ASPG: variants seen among roughly 807,000 people sequenced by gnomAD.
The protein encoded by ASPG is 60 kDa lysophospholipase.
Under a neutral mutation model 63.2 loss-of-function variants are expected in ASPG, and 53 were observed. The observed-to-expected ratio is 0.84, with a 90% CI of 0.67 to 1.05. The LOEUF is 1.05. Among genes scored for constraint, ASPG ranks in the 50% least tolerant of loss-of-function variants. ASPG has a pLI of 0.00. For synonymous variants in ASPG, 370 were observed against 355.0 expected (o/e 1.04, Z -0.48); for missense variants, 741 against 794.4 (o/e 0.93, Z 0.81).
rs949347360 is a variant in ASPG, at chr14:104,109,936, C to T, written c.1520+621C>T. On this transcript the variant is annotated intron_variant, in intron 13 of 15. Transcript: ENST00000551177. This position sits in a 1 kb window ranked among gnomAD's most constrained non-coding sequence, Gnocchi z 4.8. Reference sequence around the variant, plus strand: ...CATGTTGTTGTTGGGGAGACTGAGGCGCAGGGAGGCCTTCGGCGAGGGTGT... The same window carrying T: ...CATGTTGTTGTTGGGGAGACTGAGGTGCAGGGAGGCCTTCGGCGAGGGTGT... The T allele has an allele frequency of 3.6e-5, 35 of 984,214 alleles. No individual in the cohort carries two copies. In the Admixed American group the frequency reaches 3.7e-4, roughly 10 times the overall value. The allele number at this position is 984,214 out of a possible 1,614,324, so 61.0% of individuals were successfully genotyped here.
Position 104,110,547 on chromosome 14 carries a change from C to T in ASPG, c.1521-955C>T, listed in dbSNP as rs373497645. 1.0e-4 allele frequency: 99 copies of T among 985,320 alleles called. No homozygotes were observed. The East Asian group carries it at 6.4e-3, about 63-fold the overall frequency. 61.0% of individuals were successfully genotyped at this position (985,320 alleles called of 1,614,324 possible). A position where few individuals can be genotyped will look rare whatever the true frequency, so the allele number is the denominator to read the frequency against. ...AGCTGCTGGCTGGACTTGAGCCCCT[C>T]GGCTAGGCCTTCCTAGGGGCCGGTG... On this transcript the variant is annotated intron_variant, in intron 13 of 15. Coordinates refer to ENST00000551177, the MANE Select transcript of ASPG (RefSeq NM_001080464.3). This position sits in a 1 kb window ranked among gnomAD's most constrained non-coding sequence, Gnocchi z 4.7.
intron 4 of ASPG, among the ~76,000 whole-genome samples, chr14:104,095,958 C>T (rs191973627): frequency 9.8e-5 from 15 of 152,292 alleles, no homozygotes; most frequent in Non-Finnish European, 1.8e-4. Flanking sequence ...CCTTCCTCTC[C>T]TCCCGATGCT....
chr14:104,111,099 G>A, intron 13 of ASPG: 1 of 985,324 alleles, frequency 1.0e-6, no homozygotes. Flanking sequence ...AAACTGGCGT[G>A]GGCTGCTCGG....
chr14:104,097,680 G>C (rs2036657544), intron 5 of ASPG, 43 bp downstream of exon 5: 1 of 1,538,428 alleles, frequency 6.5e-7, no homozygotes, highest in African/African-American at 1.4e-5. Context: ...GTGGGGTGGG[G>C]GCAGGAGCCC....
In ASPG at chr14:104,104,683, A is replaced by T; in HGVS notation, c.998A>T (p.Lys333Met). Residue 333 changes from lysine to methionine, a missense_variant, in exon 9 of 16, where the codon AAG (lysine) becomes ATG (methionine). By Grantham distance (95) the Lys-to-Met change is moderately conservative. Transcript: ENST00000551177. ...ATGACATCGGAGGCCGCCCTGGCCA[A>T]GCTATCGTATGTGCTGGGCCAGCCA... ...FDMTSEAALA[K>M]LSYVLGQPGL... is the part of the protein sequence containing the mutation. The T allele has an allele frequency of 1.2e-6, 2 of 1,611,280 alleles. No homozygotes were observed. Among genetic ancestry groups the T allele is most frequent in the Non-Finnish European group, 1.7e-6 (2 of 1,178,996 alleles).
At chr14:104,103,165 C>G (rs1025820156) in intron 6 of ASPG, among the ~76,000 whole-genome samples, 10 of 152,376 alleles carry the variant, frequency 6.6e-5, no homozygotes, top group African/African-American at 2.4e-4. Flanking sequence ...GCCCTCCTCG[C>G]CTCTGCGCTC....
chr14:104,098,831 C>T, intron 5 of ASPG, 22 bp from the exon 6 acceptor site: 1 of 1,610,870 alleles, frequency 6.2e-7, no homozygotes, highest in East Asian at 2.2e-5. Context: ...CTGCTCTGAA[C>T]TCTGTCGCTC....
In ASPG at chr14:104,111,151, ATG is replaced by A. The variant is rs995871955; in HGVS notation, c.1521-342_1521-341del. 8 of 985,052 alleles carry A rather than the reference ATG, an allele frequency of 8.1e-6. No homozygotes were observed. The African/African-American group carries it at 1.0e-4, about 13-fold the overall frequency. The allele number at this position is 985,052 out of a possible 1,614,324, so 61.0% of individuals were successfully genotyped here. A position where few individuals can be genotyped will look rare whatever the true frequency, so the allele number is the denominator to read the frequency against. On this transcript the variant is annotated intron_variant, in intron 13 of 15. Coordinates refer to ENST00000551177, the MANE Select transcript of ASPG (RefSeq NM_001080464.3). ...TGTGTGTGCAAAGGCGCATGTGCTC[ATG>A]TGTGTGTGCACATATGCTCGTGTGT...
At chr14:104,104,567 T>C (rs1744299) in intron 8 of ASPG, 55 bp from the exon 9 acceptor site, 1,572,674 of 1,582,842 alleles carry the variant, frequency 0.99, 781,852 homozygotes, top group East Asian at 1. Context: ...CCACCCCTCA[T>C]GGGCTGGGGG....
chr14:104,092,764 C>A, intron 2 of ASPG, 23 bp downstream of exon 2: 2 of 1,526,264 alleles, frequency 1.3e-6, no homozygotes, highest in South Asian at 2.4e-5. Flanking sequence ...TCCTCCCAGT[C>A]CCGGACAGGG....
In ASPG at chr14:104,114,255, T is replaced by C. The variant is rs2037436151; in HGVS notation, c.*1711T>C. On this transcript the variant is annotated 3_prime_UTR_variant, in exon 16 of 16. Transcript: ENST00000551177. Reference sequence around the variant, plus strand: ...GATGCCGGGGGTGAGTGTCCTGTAGTGTAGAAACGCCCACTCATCCTGCTT... The same window carrying C: ...GATGCCGGGGGTGAGTGTCCTGTAGCGTAGAAACGCCCACTCATCCTGCTT... The C allele has an allele frequency of 6.6e-6, 1 of 152,252 alleles. No homozygotes were observed. Among genetic ancestry groups the C allele is most frequent in the Admixed American group, 6.5e-5 (1 of 15,288 alleles). The allele number at this position is 152,252 out of a possible 1,614,324, so 9.4% of individuals were successfully genotyped here. A position where few individuals can be genotyped will look rare whatever the true frequency, so the allele number is the denominator to read the frequency against.
Position 104,112,546 on chromosome 14 carries a change from C to T in ASPG, c.*2C>T. Reference sequence around the variant, plus strand: ...CAGGAAGTGCTGCCTGGTGTCTAACCTGAAGGCGTCCTGCTGCAGTATAAG... The same window carrying T: ...CAGGAAGTGCTGCCTGGTGTCTAACTTGAAGGCGTCCTGCTGCAGTATAAG... On this transcript the variant is annotated 3_prime_UTR_variant, in exon 16 of 16. Coordinates refer to ENST00000551177, the MANE Select transcript of ASPG (RefSeq NM_001080464.3). 1 of 1,590,078 alleles carries T rather than the reference C, an allele frequency of 6.3e-7. No homozygotes were observed. Among genetic ancestry groups the T allele is most frequent in the Non-Finnish European group, 8.6e-7 (1 of 1,159,074 alleles).
At position 104,085,742 on chromosome 14, in the gene ASPG, C is replaced by A. The variant is rs1254286349; in HGVS notation, c.-29C>A. On this transcript the variant is annotated 5_prime_UTR_variant, in exon 1 of 16. Coordinates refer to ENST00000551177, the MANE Select transcript of ASPG (RefSeq NM_001080464.3). ...GGCCCTGCGTCCCCGCTGCACACCC[C>A]CGTCCACTCCCGTGGTCCCCGGTCC... The A allele has an allele frequency of 2.6e-6, 4 of 1,555,542 alleles. No individual in the cohort carries two copies. In the South Asian group the frequency reaches 3.5e-5, roughly 14 times the overall value.
In ASPG at chr14:104,103,120, A is replaced by G. The variant is rs368147784; in HGVS notation, c.641-443A>G. On this transcript the variant is annotated intron_variant, in intron 6 of 15. Coordinates refer to ENST00000551177, the MANE Select transcript of ASPG (RefSeq NM_001080464.3). The stretch of plus-strand genomic sequence containing the variant: ...CTGCCCCATGCCTGTAACCCAGCGC[A>G]GTGACTGCTGGTGGCTCCCCAGCTG... Among the ~76,000 whole-genome samples, 18 of 152,348 alleles carry G rather than the reference A, an allele frequency of 1.2e-4. No homozygotes were observed. The East Asian group carries it at 3.5e-3, about 29-fold the overall frequency.
Position 104,109,344 on chromosome 14 carries a change from C to T in ASPG, c.1520+29C>T. On this transcript the variant is annotated intron_variant, in intron 13 of 15. Transcript: ENST00000551177. The surrounding 1 kb of genome is among the most constrained non-coding windows in gnomAD (Gnocchi z 4.8). ...AGTGCAGCTAGAGCACCTGCTCTTC[C>T]AGGGATGTGGGGGACACAGCTTGGG... 6.3e-7 allele frequency: 1 copy of T among 1,580,442 alleles called. No individual in the cohort carries two copies. The highest frequency in any genetic ancestry group is 8.6e-7 in the Non-Finnish European group (1 of 1,162,164).
At position 104,103,569 on chromosome 14, in the gene ASPG, G is replaced by A; in HGVS notation, c.647G>A (p.Arg216Lys). ...GGCCCTTCCCTGTCCTCAGTCAACA[G>A]GGAGCTGGTGCGGAAGGTGGACGGG... The part of the protein sequence containing the change: ...ATVGADITIN[R>K]ELVRKVDGKA... Residue 216 changes from arginine (R) to lysine (K), a missense_variant, in exon 7 of 16, where the codon AGG becomes AAG. By Grantham distance (26) the Arg-to-Lys change is conservative (BLOSUM62 2). Coordinates refer to ENST00000551177, the MANE Select transcript of ASPG (RefSeq NM_001080464.3). 6.5e-7 allele frequency: 1 copy of A among 1,548,048 alleles called. No homozygotes were observed. Among genetic ancestry groups the A allele is most frequent in the Non-Finnish European group, 8.7e-7 (1 of 1,146,680 alleles).
At chr14:104,097,021 G>A (rs1015636756) in intron 4 of ASPG, among the ~76,000 whole-genome samples, 4 of 152,206 alleles carry the variant, frequency 2.6e-5, no homozygotes, top group Admixed American at 1.3e-4. Context: ...CTGGCATCCC[G>A]AGGCAGTTCC....
Position 104,112,527 on chromosome 14 carries a change from G to C in ASPG, c.1705G>C (p.Val569Leu). 1 of 1,500,726 alleles carries C rather than the reference G, an allele frequency of 6.7e-7. No homozygotes were observed. The highest frequency in any genetic ancestry group is 1.1e-5 in the South Asian group (1 of 88,504). 93.0% of individuals were successfully genotyped at this position (1,500,726 alleles called of 1,614,324 possible). A position where few individuals can be genotyped will look rare whatever the true frequency, so the allele number is the denominator to read the frequency against. Reference protein sequence around the residue: ...AVGAQAPCPEVLPGV With the variant: ...AVGAQAPCPELLPGV ...TCAGGAGCCCTCATGTTTTCAGGAA[G>C]TGCTGCCTGGTGTCTAACCTGAAGG... Residue 569 changes from valine (V) to leucine (L), a missense_variant, in exon 16 of 16, where the codon GTG (valine) becomes CTG (leucine). Transcript: ENST00000551177.
intron 6 of ASPG, among the ~76,000 whole-genome samples, chr14:104,102,908 C>T (rs1169040092): frequency 6.6e-6 from 1 of 152,220 alleles, no homozygotes; most frequent in Non-Finnish European, 1.5e-5. Context: ...CATCACCCAC[C>T]CTGGGTGTGG....
Sources: allele counts gnomAD v4.1 joint callset (sites outside exome capture counted in the v4.1 genomes callset), GRCh38; gene constraint gnomAD v4.1.1; non-coding constraint Gnocchi (gnomAD v3.1); transcripts MANE v1.5; gene names NCBI Gene and HGNC (gene_info 2026-07-23, HGNC 2026-07-21).